ABCC3: variants seen among roughly 807,000 people sequenced by gnomAD.
ABCC3 encodes ATP-binding cassette sub-family C member 3.
A neutral mutation model predicts 165.3 loss-of-function variants in ABCC3; 121 were observed. The ratio of observed to expected loss-of-function variants is 0.73; its 90% CI spans 0.63 to 0.85. The LOEUF (loss-of-function observed/expected upper bound fraction) is 0.85. ABCC3 is among the 40% of genes least tolerant of loss of function. ABCC3 has a pLI of 0.00. For synonymous variants in ABCC3, 733 were observed against 810.1 expected, an observed-to-expected ratio of 0.90 and a Z score of 1.62; for missense variants, 1,869 against 1,964.1, an observed-to-expected ratio of 0.95 and a Z score of 0.92.
intron 23 of ABCC3, 90 bp from the exon 24 acceptor site, chr17:50,677,654 A>T: frequency 7.8e-7 from 1 of 1,282,998 alleles, no homozygotes; most frequent in Non-Finnish European, 1.1e-6. Context: ...GGCTGGGAGG[A>T]CTCATCTGAA....
chr17:50,667,852 A>T lies in ABCC3; in HGVS notation c.1636-11A>T. ...TGGACTCTACCCTGACACCACCTCC[A>T]CGCTGCTCAGGTGACCCTGATCACC... On this transcript the variant is annotated splice_polypyrimidine_tract_variant and intron_variant, in intron 12 of 30. Coordinates refer to ENST00000285238, the MANE Select transcript of ABCC3 (RefSeq NM_003786.4). 6.2e-7 allele frequency: 1 copy of T among 1,613,882 alleles called. No individual in the cohort carries two copies.
At chr17:50,681,847 C>T (rs1967934624) in intron 26 of ABCC3, among the ~76,000 whole-genome samples, 1 of 152,066 alleles carries the variant, frequency 6.6e-6, no homozygotes, top group Non-Finnish European at 1.5e-5. Flanking sequence ...GCCTGCATTG[C>T]ACCCGCCAGT....
At chr17:50,654,960 C>T (rs542442567) in intron 1 of ABCC3, among the ~76,000 whole-genome samples, 2 of 146,866 alleles carry the variant, frequency 1.4e-5, no homozygotes, top group South Asian at 2.2e-4. Context: ...ATTAGCCGGG[C>T]GTAGTGGTGG....
At chr17:50,641,207 G>A (rs2054228612) in intron 1 of ABCC3, among the ~76,000 whole-genome samples, 1 of 152,238 alleles carries the variant, frequency 6.6e-6, no homozygotes, top group African/African-American at 2.4e-5. Context: ...TCTGGATGTG[G>A]GACCTTACCC....
chr17:50,638,655 C>A (rs2054200978), intron 1 of ABCC3, among the ~76,000 whole-genome samples: 1 of 152,182 alleles, frequency 6.6e-6, no homozygotes, highest in South Asian at 2.1e-4. Flanking sequence ...TTGGTAGAGG[C>A]CTCTGGGTCT....
rs371129668 is a variant in ABCC3 at position 50,687,524 on chromosome 17, C to T, written c.4281-12C>T. The T allele has an allele frequency of 1.4e-4, 226 of 1,610,660 alleles. No homozygotes were observed. Among genetic ancestry groups the T allele is most frequent in the Non-Finnish European group, 1.8e-4 (211 of 1,178,860 alleles). ...GCCCCCAGCTGGAAATGCCTGCCTT[C>T]TCCACTCCCAGCGTGGGCCAGAGGC... On this transcript the variant is annotated splice_polypyrimidine_tract_variant and intron_variant, in intron 29 of 30. Coordinates refer to ENST00000285238, the MANE Select transcript of ABCC3 (RefSeq NM_003786.4).
chr17:50,681,029 T>C (rs745607107), intron 26 of ABCC3, among the ~76,000 whole-genome samples: 6 of 151,774 alleles, frequency 4.0e-5, no homozygotes, highest in Non-Finnish European at 7.4e-5. Flanking sequence ...TGAGCCGAGA[T>C]TGCGCCACTG....
At chr17:50,636,323 G>C (rs2146581399) in intron 1 of ABCC3, among the ~76,000 whole-genome samples, 1 of 152,218 alleles carries the variant, frequency 6.6e-6, no homozygotes, top group Admixed American at 6.5e-5. Flanking sequence ...GTTTAGAATG[G>C]GCTGAAGGCG....
rs564195906 is a variant in ABCC3, at chr17:50,662,592, G to A, written c.999-1089G>A. On this transcript the variant is annotated intron_variant, in intron 8 of 30. Transcript: ENST00000285238. Reference sequence around the variant, plus strand: ...GGTTGAGGCTGCCGTGAGCTGTGATGGCACCACCGCACTCCAGTCTAGGTG... The same window carrying A: ...GGTTGAGGCTGCCGTGAGCTGTGATAGCACCACCGCACTCCAGTCTAGGTG... Among the ~76,000 whole-genome samples, 108 of 148,538 alleles carry A rather than the reference G, an allele frequency of 7.3e-4. 2 individuals carry two copies. The South Asian group carries it at 0.022, about 31-fold the overall frequency.
At chr17:50,659,519 G>A in intron 7 of ABCC3, 151 bp downstream of exon 7, 1 of 940,298 alleles carries the variant, frequency 1.1e-6, no homozygotes, top group South Asian at 2.0e-5. Flanking sequence ...ACCATTCTAT[G>A]GGAAGCTTAG....
At chr17:50,674,034 CTCTTTCTTTCTTTCTTTCTTTCTT>C (rs1163741242) in intron 19 of ABCC3, among the ~76,000 whole-genome samples, 5 of 4,506 alleles carry the variant, frequency 1.1e-3, no homozygotes, top group African/African-American at 4.6e-3. Context: ...CTCTCTCTCT[CTCTTTCTTTCTTTCTTTCTTTCTT>C]TCTTTCTTTC....
rs191359602 is a variant in ABCC3 at position 50,683,751 on chromosome 17, G to A, written c.3949G>A (p.Glu1317Lys). The change falls in exon 27 of 31, where the codon GAG becomes AAG. Residue 1317 changes from glutamate (E) to lysine (K), a missense_variant. Transcript: ENST00000285238. ...RDLSLHVHGG[E>K]KVGIVGRTGA... ...CCTGAGTCTGCATGTGCACGGTGGC[G>A]AGAAGGTACGCGTGGGGTAGGCGGG... 15 of 1,605,082 alleles carry A rather than the reference G, an allele frequency of 9.3e-6. No homozygotes were observed. In the East Asian group the frequency reaches 2.0e-4, roughly 22 times the overall value.
rs769504392 is a variant in ABCC3, at chr17:50,687,568, G to A, written c.4313G>A (p.Arg1438Gln). 26 of 1,613,956 alleles carry A rather than the reference G, an allele frequency of 1.6e-5. No individual in the cohort carries two copies. Among genetic ancestry groups the A allele is most frequent in the South Asian group, 1.2e-4 (11 of 91,084 alleles). The change falls in exon 30 of 31, where the codon CGA (arginine) becomes CAA (glutamine). Residue 1438 changes from arginine (R) to glutamine (Q), a missense_variant. Transcript: ENST00000285238. ...VGQRQLVCLA[R>Q]ALLRKSRILV... Reference sequence around the variant, plus strand: ...CAGAGGCAGCTCGTGTGCCTGGCCCGAGCCCTGCTCCGCAAGAGCCGCATC... The same window carrying A: ...CAGAGGCAGCTCGTGTGCCTGGCCCAAGCCCTGCTCCGCAAGAGCCGCATC...
Position 50,669,389 on chromosome 17 carries a change from A to G in ABCC3, c.2102A>G (p.Gln701Arg), listed in dbSNP as rs112733744. The change falls in exon 17 of 31, where the codon CAG becomes CGG. Residue 701 changes from glutamine (Q) to arginine (R), a missense_variant. By Grantham distance (43) the Gln-to-Arg change is conservative. Transcript: ENST00000285238. The part of the protein sequence containing the change: ...VAYVPQQAWI[Q>R]NCTLQENVLF... ...TATGTGCCCCAGCAGGCATGGATCC[A>G]GAACTGCACTCTTCAGGAAAACGTG... The G allele has an allele frequency of 2.5e-6, 4 of 1,614,268 alleles. No homozygotes were observed.
intron 1 of ABCC3, among the ~76,000 whole-genome samples, chr17:50,643,231 T>G (rs1966923730): frequency 6.6e-6 from 1 of 152,158 alleles, no homozygotes; most frequent in African/African-American, 2.4e-5. Flanking sequence ...CAGGGCAGCT[T>G]TGGGACAGGC....
intron 26 of ABCC3, among the ~76,000 whole-genome samples, chr17:50,682,405 C>T (rs1005369208): frequency 1.7e-4 from 25 of 150,768 alleles, no homozygotes; most frequent in African/African-American, 6.1e-4. Flanking sequence ...CCTCTAATGG[C>T]TTTGCATCTT....
At chr17:50,639,344 C>T (rs975916551) in intron 1 of ABCC3, among the ~76,000 whole-genome samples, 3 of 152,212 alleles carry the variant, frequency 2.0e-5, no homozygotes, top group Non-Finnish European at 1.5e-5. Context: ...TGTTCCCCCA[C>T]TTCACCTGGG....
Position 50,659,271 on chromosome 17 carries a change from G to A in ABCC3, c.709G>A (p.Glu237Lys), listed in dbSNP as rs371378724. Residue 237 changes from glutamate (E) to lysine (K), a missense_variant, in exon 7 of 31, where the codon GAG becomes AAG. Transcript: ENST00000285238. Reference protein sequence around the residue: ...AIYGYRHPLEEKDLWSLKEED... With the variant: ...AIYGYRHPLEKKDLWSLKEED... ...CTATGGCTACCGGCATCCCCTGGAGGAGAAGGACCTCTGGTCCCTAAAGGA... is the reference window on the plus strand; with the variant it reads ...CTATGGCTACCGGCATCCCCTGGAGAAGAAGGACCTCTGGTCCCTAAAGGA... 1.9e-6 allele frequency: 3 copies of A among 1,613,856 alleles called. No individual in the cohort carries two copies. Among genetic ancestry groups the A allele is most frequent in the South Asian group, 2.2e-5 (2 of 91,076 alleles).
At chr17:50,667,812 A>G in intron 12 of ABCC3, 51 bp from the exon 13 acceptor site, 1 of 1,613,644 alleles carries the variant, frequency 6.2e-7, no homozygotes, top group Middle Eastern at 1.7e-4. Flanking sequence ...GTGCCCAGGC[A>G]TGGCCAGGGC....
Sources: allele counts gnomAD v4.1 joint callset (sites outside exome capture counted in the v4.1 genomes callset), GRCh38; gene constraint gnomAD v4.1.1; transcripts MANE v1.5; gene names NCBI Gene and HGNC (gene_info 2026-07-23, HGNC 2026-07-21).